The following VLDLR variants were observed in gnomAD, a reference collection of about 807,000 sequenced individuals.
VLDLR encodes the protein very low density lipoprotein receptor, also known as very low-density lipoprotein receptor.
A neutral mutation model predicts 112.7 loss-of-function variants in VLDLR; 81 were observed. That is an observed-to-expected ratio of 0.72 (90% CI 0.60 to 0.86). VLDLR has a LOEUF of 0.86. Ranked by LOEUF, VLDLR falls within the 40% of genes least tolerant of loss-of-function variation. The pLI is 0.00. For synonymous variants in VLDLR, 436 were observed against 384.8 expected, an observed-to-expected ratio of 1.13 and a Z score of -1.56; for missense variants, 1,237 against 1,099.4, an observed-to-expected ratio of 1.13 and a Z score of -1.77.
Position 2,653,740 on chromosome 9 carries a change from A to C in VLDLR, c.2587-93A>C, listed in dbSNP as rs532703254. The C allele has an allele frequency of 1.3e-3, 1,788 of 1,358,052 alleles. 3 individuals carry two copies. Among genetic ancestry groups the C allele is most frequent in the Non-Finnish European group, 1.7e-3 (1,602 of 947,956 alleles). The allele number at this position is 1,358,052 out of a possible 1,614,324, so 84.1% of individuals were successfully genotyped here. A position where few individuals can be genotyped will look rare whatever the true frequency, so the allele number is the denominator to read the frequency against. On this transcript the variant is annotated intron_variant, in intron 18 of 18. Transcript: ENST00000382100. The stretch of plus-strand genomic sequence containing the variant: ...TCTTCTAAGCACTCTGAGTGTTTGA[A>C]TGACCAACTCAAAAGCAAGGTCCAT...
intron 12 of VLDLR, 103 bp from the exon 13 acceptor site, chr9:2,648,105 G>A: frequency 2.0e-6 from 3 of 1,517,904 alleles, no homozygotes; most frequent in African/African-American, 2.8e-5. Context: ...AAACCCTGCT[G>A]GGGAAAGAAC....
Position 2,658,811 on chromosome 9 carries a change from G to A in VLDLR, c.*4943G>A, listed in dbSNP as rs1818697693. 1 of 152,156 alleles carries A rather than the reference G, an allele frequency of 6.6e-6. No individual in the cohort carries two copies. Among genetic ancestry groups the A allele is most frequent in the African/African-American group, 2.4e-5 (1 of 41,424 alleles). The allele number at this position is 152,156 out of a possible 1,614,324, so 9.4% of individuals were successfully genotyped here. On this transcript the variant is annotated 3_prime_UTR_variant, in exon 19 of 19. Transcript: ENST00000382100. ...CCGGTAAGTGACTTTACCGGTGAAA[G>A]TCACAGGTACCTTTATCTATGATGA...
chr9:2,643,408 C>G lies in VLDLR; in HGVS notation c.697C>G (p.Pro233Ala), dbSNP rs755889123. 4 of 1,614,170 alleles carry G rather than the reference C, an allele frequency of 2.5e-6. No homozygotes were observed. The highest frequency in any genetic ancestry group is 3.3e-5 in the Admixed American group (2 of 60,024). The change falls in exon 5 of 19, where the codon CCA (proline) becomes GCA (alanine). Residue 233 changes from proline (P) to alanine (A), a missense_variant. Pro to Ala is a conservative substitution (Grantham distance 27). Coordinates refer to ENST00000382100, the MANE Select transcript of VLDLR (RefSeq NM_003383.5). ...GTCCCTGGAGCAGTGTGGCCGTCAG[C>G]CAGTCATACACACCAAGTGTCCAGC... The part of the protein sequence containing the change: ...DESLEQCGRQ[P>A]VIHTKCPASE...
chr9:2,645,198 C>T, intron 9 of VLDLR, 116 bp downstream of exon 9: 4 of 1,469,940 alleles, frequency 2.7e-6, no homozygotes, highest in Admixed American at 1.7e-5. Context: ...GAGAACAATG[C>T]TGCTAACCTC....
chr9:2,625,499 A>T (rs953844731), intron 1 of VLDLR, among the ~76,000 whole-genome samples: 1 of 152,226 alleles, frequency 6.6e-6, no homozygotes, highest in African/African-American at 2.4e-5. Flanking sequence ...GATTGCATTC[A>T]CTTTGGATAC....
rs149772780 is a variant in VLDLR at position 2,643,727 on chromosome 9, C to T, written c.920C>T (p.Ser307Phe). 1 of 1,614,136 alleles carries T rather than the reference C, an allele frequency of 6.2e-7. No homozygotes were observed. Among genetic ancestry groups the T allele is most frequent in the East Asian group, 2.2e-5 (1 of 44,880 alleles). ...GGTATCCGAGACTGTGTCGATGGTTCCGATGAAGTCAACTGCAAAAATGGT... is the reference window on the plus strand; with the variant it reads ...GGTATCCGAGACTGTGTCGATGGTTTCGATGAAGTCAACTGCAAAAATGGT... ...CNGIRDCVDG[S>F]DEVNCKNVNQ... The change falls in exon 6 of 19, where the codon TCC (serine) becomes TTC (phenylalanine). Residue 307 changes from serine (S) to phenylalanine (F), a missense_variant. Coordinates refer to ENST00000382100, the MANE Select transcript of VLDLR (RefSeq NM_003383.5).
intron 2 of VLDLR, among the ~76,000 whole-genome samples, chr9:2,638,990 C>A (rs1272588464): frequency 6.6e-6 from 1 of 152,184 alleles, no homozygotes; most frequent in Non-Finnish European, 1.5e-5. Context: ...AGTTTCTTTG[C>A]CCCTGTAGAC....
chr9:2,635,632 C>T (rs944039731), intron 2 of VLDLR, 60 bp downstream of exon 2: 2 of 1,608,878 alleles, frequency 1.2e-6, no homozygotes, highest in Non-Finnish European at 1.7e-6. Context: ...TCTTAGTCTG[C>T]AAATGTATTG....
Position 2,654,576 on chromosome 9 carries a change from T to C in VLDLR, c.*708T>C, listed in dbSNP as rs1267719340. On this transcript the variant is annotated 3_prime_UTR_variant, in exon 19 of 19. Coordinates refer to ENST00000382100, the MANE Select transcript of VLDLR (RefSeq NM_003383.5). The stretch of plus-strand genomic sequence containing the variant: ...GTGAGCTGTAGTTCTTGATGTTGTA[T>C]AACTAAGCCTGTAATTGGGCTGGTT... 6.5e-6 allele frequency: 1 copy of C among 153,122 alleles called. No homozygotes were observed. Among genetic ancestry groups the C allele is most frequent in the African/African-American group, 2.4e-5 (1 of 41,460 alleles). The allele number at this position is 153,122 out of a possible 1,614,324, so 9.5% of individuals were successfully genotyped here. A position where few individuals can be genotyped will look rare whatever the true frequency, so the allele number is the denominator to read the frequency against.
Position 2,645,028 on chromosome 9 carries a change from G to C in VLDLR, c.1258G>C (p.Glu420Gln). Residue 420 changes from glutamate (E) to glutamine (Q), a missense_variant, in exon 9 of 19, where the codon GAA becomes CAA. Physicochemically the swap from Glu to Gln is conservative, Grantham distance 29 (BLOSUM62 2). Transcript: ENST00000382100. ...CINLKGGYKC[E>Q]CSRGYQMDLA... ...CAACTTAAAAGGCGGTTACAAGTGT[G>C]AATGTAGTCGTGGCTATCAAATGGA... 6.2e-7 allele frequency: 1 copy of C among 1,614,208 alleles called. No individual in the cohort carries two copies. Among genetic ancestry groups the C allele is most frequent in the Non-Finnish European group, 8.5e-7 (1 of 1,180,038 alleles).
intron 1 of VLDLR, among the ~76,000 whole-genome samples, chr9:2,625,080 G>T (rs34226476): frequency 6.6e-6 from 1 of 152,194 alleles, no homozygotes; most frequent in Non-Finnish European, 1.5e-5. Flanking sequence ...GCTAGCAAAG[G>T]TGACAGTCTC....
chr9:2,644,528 C>CT (rs1817982460), intron 7 of VLDLR, among the ~76,000 whole-genome samples: 2 of 151,896 alleles, frequency 1.3e-5, no homozygotes, highest in Admixed American at 1.3e-4. Flanking sequence ...AGAAACTTGA[C>CT]TAAATGCTTG....
intron 7 of VLDLR, among the ~76,000 whole-genome samples, chr9:2,644,326 T>TG (rs1491220733): frequency 4.8e-5 from 1 of 20,902 alleles, no homozygotes; most frequent in Non-Finnish European, 7.6e-5. Context: ...GCCCGGCTAA[T>TG]TTTTTTTTTT....
chr9:2,622,314 CG>C, intron 1 of VLDLR, 43 bp downstream of exon 1: 1 of 1,422,814 alleles, frequency 7.0e-7, no homozygotes, highest in South Asian at 1.5e-5. Context: ...GGGACCCAGC[CG>C]GGGCACCGGG....
chr9:2,650,574 C>A, intron 15 of VLDLR, 58 bp downstream of exon 15: 1 of 1,603,682 alleles, frequency 6.2e-7, no homozygotes, highest in East Asian at 2.2e-5. Context: ...TATAATAAGA[C>A]ACAAGCTTGG....
chr9:2,652,877 G>GA lies in VLDLR; in HGVS notation c.2518dup (p.Thr840AsnfsTer3). The GA allele has an allele frequency of 6.2e-7, 1 of 1,614,098 alleles. No homozygotes were observed. The highest frequency in any genetic ancestry group is 1.1e-5 in the South Asian group (1 of 91,078). ...TGAACTTTGACAATCCTGTGTACTT[G>GA]AAAACCACTGAAGAGGACCTCTCCA... On this transcript the variant is annotated frameshift_variant, in exon 18 of 19. Coordinates refer to ENST00000382100, the MANE Select transcript of VLDLR (RefSeq NM_003383.5). LOFTEE classifies it high-confidence loss of function.
chr9:2,635,049 T>G (rs1244356064), intron 1 of VLDLR, among the ~76,000 whole-genome samples: 1 of 152,176 alleles, frequency 6.6e-6, no homozygotes, highest in African/African-American at 2.4e-5. Context: ...TCTATTTTCG[T>G]CTGGCTCCAT....
intron 1 of VLDLR, among the ~76,000 whole-genome samples, chr9:2,626,453 C>A (rs1237032673): frequency 6.6e-6 from 1 of 152,200 alleles, no homozygotes; most frequent in Non-Finnish European, 1.5e-5. Flanking sequence ...CAACCTGGAC[C>A]ATAAATTTAG....
At chr9:2,647,938 A>T (rs1277537163) in intron 12 of VLDLR, among the ~76,000 whole-genome samples, 1 of 152,232 alleles carries the variant, frequency 6.6e-6, no homozygotes, top group African/African-American at 2.4e-5. Context: ...GGAGGAGAAC[A>T]ACAAAATGGT....
Sources: gnomAD v4.1 joint callset for allele counts (sites outside exome capture counted in the v4.1 genomes callset) on GRCh38, gnomAD v4.1.1 for gene constraint, MANE v1.5 for transcripts, NCBI Gene and HGNC (gene_info 2026-07-23, HGNC 2026-07-21) for gene names.